The following TERT variants were observed in gnomAD, a reference collection of about 807,000 sequenced individuals.
The protein encoded by TERT is telomerase catalytic subunit.
In TERT, 42 loss-of-function variants were observed where a neutral mutation model predicts 104.0. The observed-to-expected ratio is 0.40, with a 90% CI of 0.32 to 0.52. The LOEUF (loss-of-function observed/expected upper bound fraction) is 0.52, where lower values mean the gene tolerates loss of function less well. TERT is among the 20% of genes least tolerant of loss of function. The probability of loss-of-function intolerance (pLI) is 0.43; values close to 1 mark genes in which losing one functional copy is unlikely to be tolerated. For missense variants in TERT, 1,101 were observed against 1,610.3 expected (o/e 0.68, Z 5.41); for synonymous variants, 781 against 725.6 (o/e 1.08, Z -1.23).
chr5:1,253,776 G>A lies in TERT; in HGVS notation c.3351C>T (p.Ala1117=), dbSNP rs192377676. 197 of 1,612,292 alleles carry A rather than the reference G, an allele frequency of 1.2e-4. No individual in the cohort carries two copies. In the African/African-American group the frequency reaches 1.6e-3, roughly 13 times the overall value. The change falls in exon 16 of 16, where the codon GCC becomes GCT. Residue 1117 remains alanine, a synonymous_variant. Coordinates refer to ENST00000310581, the MANE Select transcript of TERT (RefSeq NM_198253.3). ...CTGAGGGCAGTGCCGGGTTGGCTGC[G>A]GCCTCCAGGGCAGTCAGCGTCGTCC... ...LPGTTLTALE[A]AANPALPSDF...
intron 2 of TERT, among the ~76,000 whole-genome samples, chr5:1,283,831 G>A (rs1399712304): frequency 6.3e-5 from 9 of 142,890 alleles, no homozygotes; most frequent in East Asian, 2.1e-4. Context: ...AGGGCCTAGC[G>A]ACCTCACCCT....
At position 1,274,985 on chromosome 5, in the gene TERT, T is replaced by C. The variant is rs986687884; in HGVS notation, c.2287-2705A>G. 1.3e-5 allele frequency among the ~76,000 whole-genome samples: 2 copies of C among 152,050 alleles called. No homozygotes were observed. The highest frequency in any genetic ancestry group is 4.8e-5 in the African/African-American group (2 of 41,386). On this transcript the variant is annotated intron_variant, in intron 6 of 15. Coordinates refer to ENST00000310581, the MANE Select transcript of TERT (RefSeq NM_198253.3). This position sits in a 1 kb window ranked among gnomAD's most constrained non-coding sequence, Gnocchi z 5.3. ...CTCTTCTGTGAAGAGAGTCATGAAA[T>C]GGAAAGACCCCTAGCGAGACCTGGA...
chr5:1,254,480 G>A lies in TERT; in HGVS notation c.3183C>T (p.Ala1061=), dbSNP rs769532174. 8 of 1,612,602 alleles carry A rather than the reference G, an allele frequency of 5.0e-6. No homozygotes were observed. The South Asian group carries it at 5.5e-5, about 11-fold the overall frequency. Residue 1061 remains alanine, a synonymous_variant, in exon 15 of 16, where the codon GCC becomes GCT. Transcript: ENST00000310581. The part of the protein sequence containing the change: ...NAGMSLGAKG[A]AGPLPSEAVQ... Reference sequence around the variant, plus strand: ...CGGCCTCGGAGGGCAGAGGGCCGGCGGCGCCCTTGGCCCCCAGCGACATCC... The same window carrying A: ...CGGCCTCGGAGGGCAGAGGGCCGGCAGCGCCCTTGGCCCCCAGCGACATCC...
At chr5:1,266,075 A>T (rs1748579303) in intron 10 of TERT, among the ~76,000 whole-genome samples, 1 of 151,218 alleles carries the variant, frequency 6.6e-6, no homozygotes, top group Non-Finnish European at 1.5e-5. Context: ...CCGCAGGCTC[A>T]GGTGCACCCT....
Position 1,265,519 on chromosome 5 carries a change from G to C in TERT, c.2655-927C>G, listed in dbSNP as rs1477808387. Among the ~76,000 whole-genome samples, 5 of 152,098 alleles carry C rather than the reference G, an allele frequency of 3.3e-5. No individual in the cohort carries two copies. Among genetic ancestry groups the C allele is most frequent in the Non-Finnish European group, 4.4e-5 (3 of 68,020 alleles). ...TCCCCTCAGCAGCCTCAGGACTCCT[G>C]AGCCCTCAGTTGCTTGGGACCTGGG... is the stretch of plus-strand genomic sequence containing the variant. On this transcript the variant is annotated intron_variant, in intron 10 of 15. Transcript: ENST00000310581. This position sits in a 1 kb window ranked among gnomAD's most constrained non-coding sequence, Gnocchi z 6.9.
intron 2 of TERT, among the ~76,000 whole-genome samples, chr5:1,285,726 C>G (rs998281582): frequency 6.6e-6 from 1 of 151,766 alleles, no homozygotes; most frequent in Non-Finnish European, 1.5e-5. Flanking sequence ...CCCGCCACCA[C>G]GCCCAGCTAA....
Position 1,286,443 on chromosome 5 carries a change from T to C in TERT, c.1574-3819A>G, listed in dbSNP as rs1156276860. Reference sequence around the variant, plus strand: ...GAAAACAATATTAATAATGCTTAGCTTGTGGGGGTGTCAAGATGCCTGAGA... The same window carrying C: ...GAAAACAATATTAATAATGCTTAGCCTGTGGGGGTGTCAAGATGCCTGAGA... On this transcript the variant is annotated intron_variant, in intron 2 of 15. Coordinates refer to ENST00000310581, the MANE Select transcript of TERT (RefSeq NM_198253.3). The surrounding 1 kb of genome is among the most constrained non-coding windows in gnomAD (Gnocchi z 5.3). Among the ~76,000 whole-genome samples the C allele has an allele frequency of 6.6e-6, 1 of 152,004 alleles. No homozygotes were observed. Among genetic ancestry groups the C allele is most frequent in the African/African-American group, 2.4e-5 (1 of 41,382 alleles).
At chr5:1,258,558 T>A (rs372276021) in intron 13 of TERT, 40 bp downstream of exon 13, 140 of 1,546,138 alleles carry the variant, frequency 9.1e-5, no homozygotes, top group Non-Finnish European at 1.1e-4. Context: ...GCGCGGAGGG[T>A]CCCTGGAGGC....
rs1751282971 is a variant in TERT at position 1,294,759 on chromosome 5, G to C, written c.219+12C>G. The C allele has an allele frequency of 1.3e-6, 2 of 1,549,552 alleles. No individual in the cohort carries two copies. The highest frequency in any genetic ancestry group is 1.2e-5 in the South Asian group (1 of 84,926). ...TCAACCCCAGCCGGACGCCGACCCCGGGGAGGCCCACCTGGCGGAAGGAGG... is the reference window on the plus strand; with the variant it reads ...TCAACCCCAGCCGGACGCCGACCCCCGGGAGGCCCACCTGGCGGAAGGAGG... On this transcript the variant is annotated intron_variant, in intron 1 of 15. Coordinates refer to ENST00000310581, the MANE Select transcript of TERT (RefSeq NM_198253.3).
chr5:1,255,432 G>A lies in TERT; in HGVS notation c.3033-21C>T, dbSNP rs570172654. The A allele has an allele frequency of 3.3e-5, 54 of 1,613,962 alleles. No individual in the cohort carries two copies. Among genetic ancestry groups the A allele is most frequent in the Admixed American group, 8.3e-5 (5 of 60,022 alleles). Reference sequence around the variant, plus strand: ...GAAACCTGAGAGGATGGCGGACAGCGTCAGAGGAAAGGCCTCCTAATCAGA... The same window carrying A: ...GAAACCTGAGAGGATGGCGGACAGCATCAGAGGAAAGGCCTCCTAATCAGA... On this transcript the variant is annotated intron_variant, in intron 13 of 15. Coordinates refer to ENST00000310581, the MANE Select transcript of TERT (RefSeq NM_198253.3). This position sits in a 1 kb window ranked among gnomAD's most constrained non-coding sequence, Gnocchi z 6.9.
Position 1,293,888 on chromosome 5 carries a change from T to C in TERT, c.998A>G (p.Tyr333Cys). ...CAGCTGCTCCTTGTCGCCTGAGGAG[T>C]AGAGGAAGTGCTTGGTCTCGGCGTA... ...PVYAETKHFLYSSGDKEQLRP... is the reference protein window; with the variant it reads ...PVYAETKHFLCSSGDKEQLRP... The change falls in exon 2 of 16, where the codon TAC becomes TGC. Residue 333 changes from tyrosine (Y) to cysteine (C), a missense_variant. Physicochemically the swap from Tyr to Cys is radical, Grantham distance 194 (BLOSUM62 -2). Transcript: ENST00000310581. 6.5e-7 allele frequency: 1 copy of C among 1,542,034 alleles called. No homozygotes were observed. The highest frequency in any genetic ancestry group is 8.7e-7 in the Non-Finnish European group (1 of 1,146,638).
chr5:1,253,218 C>T lies in TERT; in HGVS notation c.*510G>A. 3.8e-6 allele frequency: 1 copy of T among 263,430 alleles called. No individual in the cohort carries two copies. The highest frequency in any genetic ancestry group is 7.3e-6 in the Non-Finnish European group (1 of 136,386). The allele number at this position is 263,430 out of a possible 1,614,324, so 16.3% of individuals were successfully genotyped here. A position where few individuals can be genotyped will look rare whatever the true frequency, so the allele number is the denominator to read the frequency against. On this transcript the variant is annotated 3_prime_UTR_variant, in exon 16 of 16. Coordinates refer to ENST00000310581, the MANE Select transcript of TERT (RefSeq NM_198253.3). The stretch of plus-strand genomic sequence containing the variant: ...TATTCAGTATTTTACTCCCACAGCA[C>T]CTCCCCCCAATTTGACCCACAGGGA...
At chr5:1,259,904 G>GGA (rs531034173) in intron 12 of TERT, among the ~76,000 whole-genome samples, 1 of 147,608 alleles carries the variant, frequency 6.8e-6, no homozygotes, top group African/African-American at 2.5e-5. Context: ...GATGCCCACA[G>GGA]GAGAGGGAGT....
rs1007509769 is a variant in TERT at position 1,270,341 on chromosome 5, G to T, written c.2468+778C>A. ...GACGATCCCAGAGAGAGGCCTCCACGTTCCACCTGACTGCGGATGACCTTG... is the reference window on the plus strand; with the variant it reads ...GACGATCCCAGAGAGAGGCCTCCACTTTCCACCTGACTGCGGATGACCTTG... On this transcript the variant is annotated intron_variant, in intron 8 of 15. Transcript: ENST00000310581. This position sits in a 1 kb window ranked among gnomAD's most constrained non-coding sequence, Gnocchi z 8.3. Among the ~76,000 whole-genome samples, 1 of 152,230 alleles carries T rather than the reference G, an allele frequency of 6.6e-6. No individual in the cohort carries two copies. Among genetic ancestry groups the T allele is most frequent in the Non-Finnish European group, 1.5e-5 (1 of 68,040 alleles).
In TERT at chr5:1,288,488, T is replaced by A. The variant is rs145850073; in HGVS notation, c.1573+4825A>T. ...CAGAGCAGGAGACAGACAGAGACAC[T>A]CCAACCTGTGGCTGGACGTCAATCC... On this transcript the variant is annotated intron_variant, in intron 2 of 15. Coordinates refer to ENST00000310581, the MANE Select transcript of TERT (RefSeq NM_198253.3). This position sits in a 1 kb window ranked among gnomAD's most constrained non-coding sequence, Gnocchi z 5.3. Among the ~76,000 whole-genome samples the A allele has an allele frequency of 1.0e-3, 152 of 152,060 alleles. No individual in the cohort carries two copies. The highest frequency in any genetic ancestry group is 3.5e-3 in the African/African-American group (145 of 41,486).
chr5:1,259,775 C>T (rs1748077137), intron 12 of TERT, among the ~76,000 whole-genome samples: 1 of 129,846 alleles, frequency 7.7e-6, no homozygotes, highest in South Asian at 2.5e-4. Flanking sequence ...GGAGTGGACA[C>T]AGACGCCCAC....
Position 1,255,098 on chromosome 5 carries a change from T to C in TERT, c.3157+189A>G, listed in dbSNP as rs561063733. Among the ~76,000 whole-genome samples, 4 of 152,292 alleles carry C rather than the reference T, an allele frequency of 2.6e-5. No individual in the cohort carries two copies. Among genetic ancestry groups the C allele is most frequent in the African/African-American group, 7.2e-5 (3 of 41,566 alleles). ...GATGGCAGCTCCCAGACAGCTCCTG[T>C]CCCTTCCATCAGGTGCTCTGCTCAC... On this transcript the variant is annotated intron_variant, in intron 14 of 15. Transcript: ENST00000310581. This position sits in a 1 kb window ranked among gnomAD's most constrained non-coding sequence, Gnocchi z 6.9.
intron 11 of TERT, chr5:1,264,107 C>T (rs976247751): frequency 1.5e-5 from 7 of 463,100 alleles, no homozygotes; most frequent in East Asian, 3.9e-5. Flanking sequence ...AGGGCCCGGG[C>T]GTCTTGGGTT....
At chr5:1,283,156 G>A in intron 2 of TERT, 1 of 312,504 alleles carries the variant, frequency 3.2e-6, no homozygotes, top group South Asian at 2.6e-5. Context: ...CTCACAGCAG[G>A]GCCTGGCGAC....
Sources: gnomAD v4.1 joint callset for allele counts (sites outside exome capture counted in the v4.1 genomes callset) on GRCh38, gnomAD v4.1.1 for gene constraint, Gnocchi (gnomAD v3.1) non-coding constraint, MANE v1.5 for transcripts, NCBI Gene and HGNC (gene_info 2026-07-23, HGNC 2026-07-21) for gene names.